The following MYO5B variants were observed in gnomAD, a reference collection of about 807,000 sequenced individuals.
The protein encoded by MYO5B is unconventional myosin-Vb.
A neutral mutation model predicts 229.3 loss-of-function variants in MYO5B; 143 were observed. The observed-to-expected ratio is 0.62, with a 90% CI of 0.54 to 0.72. The LOEUF (loss-of-function observed/expected upper bound fraction) is 0.72, where lower values mean the gene tolerates loss of function less well. MYO5B is among the 30% of genes least tolerant of loss of function. The probability of loss-of-function intolerance (pLI) is 0.00; values close to 1 mark genes in which losing one functional copy is unlikely to be tolerated. For missense variants in MYO5B, 2,321 were observed against 2,331.0 expected, an observed-to-expected ratio of 1.00 and a Z score of 0.09; for synonymous variants, 918 against 885.2, an observed-to-expected ratio of 1.04 and a Z score of -0.66.
At chr18:49,980,583 C>T in intron 8 of MYO5B, 30 bp from the exon 9 acceptor site, 1 of 1,447,000 alleles carries the variant, frequency 6.9e-7, no homozygotes, top group Non-Finnish European at 9.7e-7. Flanking sequence ...GGATGACACT[C>T]AGTATCCATG....
chr18:49,853,382 C>T lies in MYO5B; in HGVS notation c.4221+67G>A, dbSNP rs926170545. ...ACCTTGTCAGTTTTGCCAAAGGCAA[C>T]CCCGATCCCATTTGCTTCTAGAACG... On this transcript the variant is annotated intron_variant, in intron 31 of 39. Transcript: ENST00000285039. 2.5e-6 allele frequency: 4 copies of T among 1,569,570 alleles called. No homozygotes were observed. The African/African-American group carries it at 4.1e-5, about 16-fold the overall frequency.
At position 49,853,489 on chromosome 18, in the gene MYO5B, C is replaced by T. The variant is rs749634410; in HGVS notation, c.4181G>A (p.Gly1394Asp). 1.2e-6 allele frequency: 2 copies of T among 1,614,054 alleles called. No homozygotes were observed. Among genetic ancestry groups the T allele is most frequent in the Non-Finnish European group, 1.7e-6 (2 of 1,180,040 alleles). ...CAGCCGGGATATTTCCTGCTGAACGCCGAATTCCACCTGGGCCTCTGGGGA... is the reference window on the plus strand; with the variant it reads ...CAGCCGGGATATTTCCTGCTGAACGTCGAATTCCACCTGGGCCTCTGGGGA... ...LLSPEAQVEF[G>D]VQQEISRLTN... is the part of the protein sequence containing the mutation. The change falls in exon 31 of 40, where the codon GGC (glycine) becomes GAC (aspartate). Residue 1394 changes from glycine (G) to aspartate (D), a missense_variant. By Grantham distance (94) the Gly-to-Asp change is moderately conservative. Around this residue, in one of 2 missense-constraint regions of MYO5B, gnomAD observed 2,113 missense variants for 2,044.7 expected, o/e 1.03. Transcript: ENST00000285039.
chr18:50,126,236 A>G (rs1257888854), intron 1 of MYO5B, among the ~76,000 whole-genome samples: 1 of 152,260 alleles, frequency 6.6e-6, no homozygotes, highest in East Asian at 1.9e-4. Context: ...ATAAAAACAA[A>G]CAACCCTGAA....
intron 1 of MYO5B, among the ~76,000 whole-genome samples, chr18:50,152,864 T>TAAA (rs67858852): frequency 1.6e-5 from 2 of 125,434 alleles, no homozygotes; most frequent in East Asian, 2.3e-4. Context: ...TTCTCAAAAC[T>TAAA]AAAAAAAAAA....
intron 1 of MYO5B, among the ~76,000 whole-genome samples, chr18:50,156,788 T>C (rs141557424): frequency 7.8e-4 from 119 of 152,322 alleles, no homozygotes; most frequent in Middle Eastern, 6.8e-3. Context: ...ATTTTGATGA[T>C]AGAACTAAAA....
At chr18:50,149,015 T>C (rs1425587241) in intron 1 of MYO5B, among the ~76,000 whole-genome samples, 1 of 150,562 alleles carries the variant, frequency 6.6e-6, no homozygotes, top group Non-Finnish European at 1.5e-5. Flanking sequence ...TGTACAAAAA[T>C]CACAAGCATT....
intron 14 of MYO5B, among the ~76,000 whole-genome samples, chr18:49,949,183 G>A (rs377279180): frequency 6.6e-6 from 1 of 152,142 alleles, no homozygotes; most frequent in African/African-American, 2.4e-5. Flanking sequence ...GCACAAACAC[G>A]TGACCCACAG....
At chr18:50,114,328 G>A (rs986685782) in intron 1 of MYO5B, among the ~76,000 whole-genome samples, 19 of 152,194 alleles carry the variant, frequency 1.2e-4, no homozygotes, top group Non-Finnish European at 2.4e-4. Flanking sequence ...GCTGGGCAAA[G>A]AAACAAAGGA....
chr18:49,847,303 A>C lies in MYO5B; in HGVS notation c.4316-14T>G. On this transcript the variant is annotated splice_polypyrimidine_tract_variant and intron_variant, in intron 32 of 39. Transcript: ENST00000285039. ...ATGCCTGGGCAGCTGAGCAGGAAAG[A>C]AAACAGGAAGCATGGATGAGACTTC... The C allele has an allele frequency of 6.2e-7, 1 of 1,612,374 alleles. No individual in the cohort carries two copies. The highest frequency in any genetic ancestry group is 2.2e-5 in the East Asian group (1 of 44,874).
At chr18:50,081,295 A>C (rs974899929) in intron 1 of MYO5B, among the ~76,000 whole-genome samples, 2 of 152,082 alleles carry the variant, frequency 1.3e-5, no homozygotes, top group Non-Finnish European at 2.9e-5. Context: ...AGCCAAAAGG[A>C]CCCTCCAAGC....
intron 4 of MYO5B, among the ~76,000 whole-genome samples, chr18:50,002,535 T>C (rs775945665): frequency 3.9e-5 from 6 of 152,126 alleles, no homozygotes; most frequent in Non-Finnish European, 7.4e-5. Flanking sequence ...TCTAAACCTG[T>C]CTTCATTTGG....
At chr18:50,000,171 G>C (rs937027164) in intron 5 of MYO5B, among the ~76,000 whole-genome samples, 10 of 152,190 alleles carry the variant, frequency 6.6e-5, no homozygotes, top group African/African-American at 2.4e-4. Flanking sequence ...GGGGACTGGG[G>C]AAAGTCCAGG....
intron 1 of MYO5B, among the ~76,000 whole-genome samples, chr18:50,104,124 G>A (rs139648440): frequency 0.011 from 1,529 of 138,552 alleles, 22 homozygotes; most frequent in African/African-American, 0.039. Context: ...CTATGATCAT[G>A]CCACTGCACT....
At chr18:49,936,444 CTAT>C (rs1421608540) in intron 15 of MYO5B, 95 bp from the exon 16 acceptor site, 3 of 884,860 alleles carry the variant, frequency 3.4e-6, no homozygotes, top group African/African-American at 1.7e-5. Flanking sequence ...GTTATTGTTA[CTAT>C]TATATTATTA....
At chr18:49,954,560 C>G in intron 12 of MYO5B, 125 bp from the exon 13 acceptor site, 1 of 1,224,914 alleles carries the variant, frequency 8.2e-7, no homozygotes, top group South Asian at 1.2e-5. Context: ...GAACCAGGAC[C>G]TTAACTGGAC....
At chr18:50,069,517 TC>T (rs1368175165) in intron 1 of MYO5B, among the ~76,000 whole-genome samples, 2 of 152,212 alleles carry the variant, frequency 1.3e-5, no homozygotes, top group Non-Finnish European at 2.9e-5. Context: ...CACTGTCTAT[TC>T]ACAGTATCTC....
Position 49,895,068 on chromosome 18 carries a change from G to A in MYO5B, c.2918C>T (p.Pro973Leu), listed in dbSNP as rs755882247. The change falls in exon 22 of 40, where the codon CCA becomes CTA. Residue 973 changes from proline to leucine, a missense_variant. Physicochemically the swap from Pro to Leu is moderately conservative, Grantham distance 98. Around this residue, in one of 2 missense-constraint regions of MYO5B, gnomAD observed 2,113 missense variants for 2,044.7 expected, o/e 1.03. Transcript: ENST00000285039. ...KKELVHYQQS[P>L]GEDTSLRLQE... is the part of the protein sequence containing the mutation. ...CAGCCTGAGGCTGGTGTCCTCACCTGGGCTCTGCTGGTAGTGCACCAGCTC... is the reference window on the plus strand; with the variant it reads ...CAGCCTGAGGCTGGTGTCCTCACCTAGGCTCTGCTGGTAGTGCACCAGCTC... 1 of 1,614,126 alleles carries A rather than the reference G, an allele frequency of 6.2e-7. No individual in the cohort carries two copies. The highest frequency in any genetic ancestry group is 1.3e-5 in the African/African-American group (1 of 75,050).
At chr18:49,903,075 T>A (rs776103964) in intron 20 of MYO5B, among the ~76,000 whole-genome samples, 1 of 152,226 alleles carries the variant, frequency 6.6e-6, no homozygotes, top group Non-Finnish European at 1.5e-5. Flanking sequence ...TTTGTTTTAC[T>A]TTTTGTTTTA....
At chr18:49,906,301 G>T in intron 19 of MYO5B, 118 bp downstream of exon 19, 2 of 993,682 alleles carry the variant, frequency 2.0e-6, no homozygotes, top group Non-Finnish European at 3.1e-6. Context: ...ATGCAGACAT[G>T]GCCCCAACAG....
Sources: gnomAD v4.1 joint callset for allele counts (sites outside exome capture counted in the v4.1 genomes callset) on GRCh38, gnomAD v4.1.1 for gene constraint, gnomAD v4.1.1 regional missense constraint, MANE v1.5 for transcripts, NCBI Gene and HGNC (gene_info 2026-07-23, HGNC 2026-07-21) for gene names.